Variants in CHRDL1 observed in about 807,000 individuals in gnomAD.
CHRDL1 encodes the protein chordin like 1, also known as chordin-like protein 1.
A neutral mutation model predicts 40.9 loss-of-function variants in CHRDL1; 19 were observed. That is an observed-to-expected ratio of 0.46 (90% CI 0.32 to 0.68). The LOEUF (loss-of-function observed/expected upper bound fraction) is 0.68. CHRDL1 is among the 30% of genes least tolerant of loss of function. CHRDL1 has a pLI of 0.03. For synonymous variants in CHRDL1, 136 were observed against 123.4 expected (o/e 1.10, Z -0.68); for missense variants, 329 against 352.1 (o/e 0.93, Z 0.53).
intron 9 of CHRDL1, among the ~76,000 whole-genome samples, chrX:110,686,275 A>G (rs932283230): frequency 3.6e-5 from 4 of 111,381 alleles, no homozygotes; most frequent in African/African-American, 1.3e-4. Context: ...TCTTGTTCTC[A>G]CAGCTTTTTG....
At chrX:110,744,316 T>C (rs1185946612) in intron 4 of CHRDL1, among the ~76,000 whole-genome samples, 1 of 110,074 alleles carries the variant, frequency 9.1e-6, no homozygotes, top group Non-Finnish European at 1.9e-5. Flanking sequence ...GATGATCTTA[T>C]GTATCCTGTC....
intron 2 of CHRDL1, among the ~76,000 whole-genome samples, chrX:110,763,244 C>A (rs2148510114): frequency 9.1e-6 from 1 of 110,054 alleles, no homozygotes; most frequent in South Asian, 4.0e-4. Context: ...GTATACACTG[C>A]ACCATATTTG....
At chrX:110,779,789 C>A (rs1191745806) in intron 2 of CHRDL1, among the ~76,000 whole-genome samples, 1 of 111,268 alleles carries the variant, frequency 9.0e-6, no homozygotes, top group African/African-American at 3.3e-5. Flanking sequence ...GATATCTTGA[C>A]AATATCGAGT....
chrX:110,742,376 C>A lies in CHRDL1; in HGVS notation c.301+17285G>T, dbSNP rs2071377311. The stretch of plus-strand genomic sequence containing the variant: ...TGTATACCTGAGCACCTGCACAGGC[C>A]AGGGCCACATCTACAGAGGCCCCAT... On this transcript the variant is annotated intron_variant, in intron 4 of 11. Coordinates refer to ENST00000372042, the MANE Select transcript of CHRDL1 (RefSeq NM_001143981.2). Among the ~76,000 whole-genome samples the A allele has an allele frequency of 2.7e-5, 3 of 112,341 alleles. No individual in the cohort carries two copies. The Admixed American group carries it at 2.8e-4, about 11-fold the overall frequency.
chrX:110,723,536 A>G (rs924193531), intron 4 of CHRDL1, among the ~76,000 whole-genome samples: 2 of 111,685 alleles, frequency 1.8e-5, no homozygotes, highest in Non-Finnish European at 3.8e-5. Flanking sequence ...CCAAGGTGAC[A>G]CAACTTGCAA....
At chrX:110,750,634 G>A (rs2089339582) in intron 4 of CHRDL1, among the ~76,000 whole-genome samples, 1 of 111,838 alleles carries the variant, frequency 8.9e-6, no homozygotes, top group Non-Finnish European at 1.9e-5. Context: ...GAAATTCCTG[G>A]GCTAATTCCG....
At chrX:110,731,862 G>A (rs1351833379) in intron 4 of CHRDL1, among the ~76,000 whole-genome samples, 1 of 110,927 alleles carries the variant, frequency 9.0e-6, no homozygotes, top group African/African-American at 3.3e-5. Flanking sequence ...TAGAGATGAC[G>A]AAAATATTCT....
At chrX:110,705,175 C>T (rs761293621) in intron 6 of CHRDL1, among the ~76,000 whole-genome samples, 1 of 106,116 alleles carries the variant, frequency 9.4e-6, no homozygotes, top group African/African-American at 3.4e-5. Context: ...AATACTAATA[C>T]CCTGTAACAC....
chrX:110,696,916 T>G (rs2070397687), intron 7 of CHRDL1, among the ~76,000 whole-genome samples: 1 of 110,814 alleles, frequency 9.0e-6, no homozygotes, highest in Admixed American at 9.6e-5. Context: ...TTAAGGGTAA[T>G]GGTTCTTTTA....
intron 6 of CHRDL1, among the ~76,000 whole-genome samples, chrX:110,716,562 T>C (rs932188176): frequency 3.6e-5 from 4 of 111,158 alleles, no homozygotes; most frequent in Non-Finnish European, 5.7e-5. Context: ...GGTTTACTTC[T>C]AGTTTGCAGG....
intron 4 of CHRDL1, among the ~76,000 whole-genome samples, chrX:110,739,632 T>C (rs1356421379): frequency 8.9e-6 from 1 of 112,122 alleles, no homozygotes; most frequent in Non-Finnish European, 1.9e-5. Context: ...CCCACATTCA[T>C]TGTCTTTAGT....
At chrX:110,727,182 A>G (rs190990957) in intron 4 of CHRDL1, among the ~76,000 whole-genome samples, 7 of 112,157 alleles carry the variant, frequency 6.2e-5, no homozygotes, top group Admixed American at 9.5e-5. Flanking sequence ...TTCAGGTTAG[A>G]TACTAAAAAA....
chrX:110,790,240 G>A (rs190529072), intron 2 of CHRDL1, among the ~76,000 whole-genome samples: 113 of 112,065 alleles, frequency 1.0e-3, no homozygotes, highest in African/African-American at 3.3e-3. Flanking sequence ...TGACCTTAGC[G>A]TCATCATCTG....
chrX:110,737,514 T>C (rs1233754839), intron 4 of CHRDL1, among the ~76,000 whole-genome samples: 1 of 111,912 alleles, frequency 8.9e-6, no homozygotes, highest in African/African-American at 3.3e-5. Flanking sequence ...CCAGACCTAC[T>C]GAAACATCAT....
At chrX:110,729,262 A>T (rs1239332544) in intron 4 of CHRDL1, among the ~76,000 whole-genome samples, 4 of 111,836 alleles carry the variant, frequency 3.6e-5, no homozygotes, top group Non-Finnish European at 1.9e-5. Flanking sequence ...GATCAGAGGT[A>T]CTGCTTCAAA....
At chrX:110,773,682 C>T (rs187644356) in intron 2 of CHRDL1, among the ~76,000 whole-genome samples, 8,117 of 98,026 alleles carry the variant, frequency 0.083, 432 homozygotes, top group Non-Finnish European at 0.13. Context: ...GAGCCGAGAT[C>T]GCGCCACTGC....
intron 4 of CHRDL1, among the ~76,000 whole-genome samples, chrX:110,741,537 G>A (rs1603212935): frequency 9.0e-6 from 1 of 111,269 alleles, no homozygotes. Flanking sequence ...GGCTCTTGGA[G>A]GGTCTGATGA....
intron 6 of CHRDL1, among the ~76,000 whole-genome samples, chrX:110,713,247 T>C: frequency 8.9e-6 from 1 of 111,808 alleles, no homozygotes; most frequent in African/African-American, 3.2e-5. Flanking sequence ...TATCATGACG[T>C]GGTGTCTATC....
chrX:110,681,064 CT>C, intron 10 of CHRDL1, among the ~76,000 whole-genome samples: 1 of 112,046 alleles, frequency 8.9e-6, no homozygotes, highest in Non-Finnish European at 1.9e-5. Context: ...GTAATCCTGG[CT>C]ACATATTACA....
Sources: gnomAD v4.1 joint callset for allele counts (sites outside exome capture counted in the v4.1 genomes callset) on GRCh38, gnomAD v4.1.1 for gene constraint, MANE v1.5 for transcripts, NCBI Gene and HGNC (gene_info 2026-07-23, HGNC 2026-07-21) for gene names.